The following STARD13 variants were observed in gnomAD, a reference collection of about 807,000 sequenced individuals.
STARD13 encodes the protein StAR related lipid transfer domain containing 13.
In STARD13, 62 loss-of-function variants were observed where a neutral mutation model predicts 106.4. That is an observed-to-expected ratio of 0.58 (90% CI 0.48 to 0.72). The LOEUF (loss-of-function observed/expected upper bound fraction) is 0.72, where lower values mean the gene tolerates loss of function less well. STARD13 is among the 30% of genes least tolerant of loss of function. STARD13 has a pLI of 0.00. For synonymous variants in STARD13, 565 were observed against 553.0 expected (o/e 1.02, Z -0.31); for missense variants, 1,387 against 1,424.0 (o/e 0.97, Z 0.42).
the STARD13 span, among the ~76,000 whole-genome samples, chr13:33,364,842 T>C: frequency 1.3e-5 from 2 of 152,036 alleles, no homozygotes; most frequent in African/African-American, 4.8e-5. Flanking sequence ...TGAGCCGAGA[T>C]GGCGCCACTG....
the STARD13 span, among the ~76,000 whole-genome samples, chr13:33,508,155 A>G: frequency 2.0e-5 from 3 of 152,206 alleles, no homozygotes; most frequent in Non-Finnish European, 4.4e-5. Context: ...CTCCTCTGCC[A>G]TTCTCACTGC....
the STARD13 span, among the ~76,000 whole-genome samples, chr13:33,580,890 TAAG>T: frequency 6.6e-6 from 1 of 152,176 alleles, no homozygotes; most frequent in Non-Finnish European, 1.5e-5. Context: ...ATCAAAACTG[TAAG>T]AATTAAATGA....
Position 33,214,074 on chromosome 13 carries a change from C to T in STARD13, c.170-46452G>A, listed in dbSNP as rs548554732. Among the ~76,000 whole-genome samples the T allele has an allele frequency of 7.4e-4, 112 of 152,260 alleles. 1 individual carries two copies. The highest frequency in any genetic ancestry group is 9.3e-4 in the Non-Finnish European group (63 of 68,018). On this transcript the variant is annotated intron_variant, in intron 1 of 13. Transcript: ENST00000336934. ...ATACACTAGAGTTTTCACTTTCATT[C>T]GGGGTTCGCATCACAAGCGACTGTG... is the stretch of plus-strand genomic sequence containing the variant.
chr13:33,350,256 C>A (rs1166968674), intron 1 of STARD13: 1 of 1,510,858 alleles, frequency 6.6e-7, no homozygotes, highest in Middle Eastern at 1.9e-4. Flanking sequence ...GCCTCCCCCG[C>A]CCCCGTGGGT....
chr13:33,605,528 A>C, the STARD13 span, among the ~76,000 whole-genome samples: 3 of 152,048 alleles, frequency 2.0e-5, no homozygotes, highest in Admixed American at 6.6e-5. Flanking sequence ...TAACAACAAC[A>C]ACAAAAAAAT....
intron 3 of STARD13, among the ~76,000 whole-genome samples, chr13:33,152,197 G>A (rs1468112678): frequency 1.3e-5 from 2 of 152,218 alleles, no homozygotes; most frequent in Non-Finnish European, 2.9e-5. Flanking sequence ...CATGGGCCAA[G>A]GAAGGGAGCC....
intron 4 of STARD13, among the ~76,000 whole-genome samples, chr13:33,135,166 T>A (rs1410706483): frequency 6.6e-6 from 1 of 152,244 alleles, no homozygotes; most frequent in African/African-American, 2.4e-5. Flanking sequence ...TTGAAAGAAC[T>A]AATAGCTTGA....
chr13:33,201,214 G>A (rs541825612), intron 1 of STARD13, among the ~76,000 whole-genome samples: 14 of 152,182 alleles, frequency 9.2e-5, no homozygotes, highest in Non-Finnish European at 1.8e-4. Context: ...TCAGCGGGTG[G>A]CATTATTAGT....
the STARD13 span, among the ~76,000 whole-genome samples, chr13:33,430,886 G>C: frequency 6.6e-6 from 1 of 152,202 alleles, no homozygotes; most frequent in Non-Finnish European, 1.5e-5. Flanking sequence ...AGACAGAATA[G>C]ACTGGAGATT....
the STARD13 span, among the ~76,000 whole-genome samples, chr13:33,528,073 T>A: frequency 1.3e-5 from 2 of 150,100 alleles, no homozygotes; most frequent in East Asian, 3.9e-4. Context: ...TTGTCCTATA[T>A]CTCAACAAAG....
At chr13:33,211,712 A>G (rs1887726824) in intron 1 of STARD13, among the ~76,000 whole-genome samples, 2 of 152,200 alleles carry the variant, frequency 1.3e-5, no homozygotes, top group African/African-American at 4.8e-5. Flanking sequence ...AAGTCTGTAC[A>G]TGTTCAATAT....
At chr13:33,246,576 G>A (rs1413652812) in intron 1 of STARD13, among the ~76,000 whole-genome samples, 2 of 152,112 alleles carry the variant, frequency 1.3e-5, no homozygotes, top group Non-Finnish European at 2.9e-5. Flanking sequence ...ATAAATATTT[G>A]TTGAGCACTT....
the STARD13 span, among the ~76,000 whole-genome samples, chr13:33,591,351 C>CA: frequency 6.6e-6 from 1 of 152,200 alleles, no homozygotes; most frequent in African/African-American, 2.4e-5. Context: ...TTTGGAAACT[C>CA]ATTTTCAGTA....
the STARD13 span, among the ~76,000 whole-genome samples, chr13:33,513,800 T>C: frequency 6.6e-6 from 1 of 152,200 alleles, no homozygotes; most frequent in Non-Finnish European, 1.5e-5. Flanking sequence ...ACTTGCATTC[T>C]GGTTTGTTTA....
At chr13:33,605,157 T>G in the STARD13 span, among the ~76,000 whole-genome samples, 1 of 149,994 alleles carries the variant, frequency 6.7e-6, no homozygotes. Flanking sequence ...AAGGATGGCT[T>G]GAGCTCAGGA....
At chr13:33,407,973 G>A in the STARD13 span, among the ~76,000 whole-genome samples, 2 of 152,100 alleles carry the variant, frequency 1.3e-5, no homozygotes, top group South Asian at 2.1e-4. Flanking sequence ...TAATCTCAAC[G>A]TGAAATGAAA....
chr13:33,525,052 C>G, the STARD13 span, among the ~76,000 whole-genome samples: 1 of 152,084 alleles, frequency 6.6e-6, no homozygotes, highest in African/African-American at 2.4e-5. Context: ...GACAGGGTCT[C>G]GCTCTGTCAC....
intron 1 of STARD13, among the ~76,000 whole-genome samples, chr13:33,275,028 A>C (rs1891350989): frequency 6.6e-6 from 1 of 152,058 alleles, no homozygotes; most frequent in Admixed American, 6.6e-5. Flanking sequence ...TGTCTCTTTC[A>C]CTGCTACAAG....
intron 4 of STARD13, among the ~76,000 whole-genome samples, chr13:33,139,822 A>G (rs1166330287): frequency 6.6e-6 from 1 of 152,188 alleles, no homozygotes; most frequent in Non-Finnish European, 1.5e-5. Context: ...GGAAGATCAC[A>G]GAAACGGGTG....
Sources: gnomAD v4.1 joint callset for allele counts (sites outside exome capture counted in the v4.1 genomes callset) on GRCh38, gnomAD v4.1.1 for gene constraint, MANE v1.5 for transcripts, NCBI Gene and HGNC (gene_info 2026-07-23, HGNC 2026-07-21) for gene names.